Variants in RGS18 observed in about 807,000 individuals in gnomAD.
RGS18 encodes regulator of G-protein signaling 18.
Under a neutral mutation model 27.6 loss-of-function variants are expected in RGS18, and 22 were observed. The observed-to-expected ratio is 0.80, with a 90% CI of 0.57 to 1.14. The LOEUF (loss-of-function observed/expected upper bound fraction) is 1.14. Among genes scored for constraint, RGS18 ranks in the 50% most tolerant of loss-of-function variants. The pLI is 0.00. For missense variants in RGS18, 299 were observed against 269.6 expected, an observed-to-expected ratio of 1.11 and a Z score of -0.76; for synonymous variants, 89 against 84.6, an observed-to-expected ratio of 1.05 and a Z score of -0.29.
chr1:192,176,223 A>G (rs1656355634), intron 3 of RGS18, among the ~76,000 whole-genome samples: 1 of 151,884 alleles, frequency 6.6e-6, no homozygotes, highest in African/African-American at 2.4e-5. Flanking sequence ...AAAAGAGAGA[A>G]CAAGTTAGTA....
At position 192,162,550 on chromosome 1, in the gene RGS18, C is replaced by T. The variant is rs572733440; in HGVS notation, c.283+2111C>T. On this transcript the variant is annotated intron_variant, in intron 3 of 4. Coordinates refer to ENST00000367460, the MANE Select transcript of RGS18 (RefSeq NM_130782.3). ...CACCCATCTAGGCCTCCCAAAGTGA[C>T]GGGATTACAGGCGTGAGTCATCATG... Among the ~76,000 whole-genome samples, 97 of 152,126 alleles carry T rather than the reference C, an allele frequency of 6.4e-4. 2 individuals carry two copies. In the South Asian group the frequency reaches 8.9e-3, roughly 14 times the overall value.
At chr1:192,166,472 T>G (rs1354746925) in intron 3 of RGS18, among the ~76,000 whole-genome samples, 2 of 152,158 alleles carry the variant, frequency 1.3e-5, no homozygotes, top group African/African-American at 4.8e-5. Context: ...GAAGCCTTTG[T>G]GTGTTAAAAA....
In RGS18 at chr1:192,158,589, A is replaced by G; in HGVS notation, c.-49A>G. ...TGTATGGAATAGTATTAATAAATGA[A>G]CTAGGGAAGGATGTAATAAATTAGA... On this transcript the variant is annotated 5_prime_UTR_variant, in exon 1 of 5. Coordinates refer to ENST00000367460, the MANE Select transcript of RGS18 (RefSeq NM_130782.3). The G allele has an allele frequency of 6.9e-7, 1 of 1,459,840 alleles. No individual in the cohort carries two copies. Among genetic ancestry groups the G allele is most frequent in the Non-Finnish European group, 9.2e-7 (1 of 1,091,938 alleles). 90.4% of individuals were successfully genotyped at this position (1,459,840 alleles called of 1,614,324 possible).
Position 192,184,703 on chromosome 1 carries a change from A to C in RGS18, c.*149A>C. ...AATGTAAAAACAAAACTTTCTGCTA[A>C]CAAAATACATACAGTATCTGCCAGT... On this transcript the variant is annotated 3_prime_UTR_variant, in exon 5 of 5. Transcript: ENST00000367460. 2 of 692,064 alleles carry C rather than the reference A, an allele frequency of 2.9e-6. No homozygotes were observed. Among genetic ancestry groups the C allele is most frequent in the Middle Eastern group, 4.0e-4 (1 of 2,494 alleles). 42.9% of individuals were successfully genotyped at this position (692,064 alleles called of 1,614,324 possible).
At chr1:192,173,721 C>T (rs1311971762) in intron 3 of RGS18, among the ~76,000 whole-genome samples, 1 of 151,620 alleles carries the variant, frequency 6.6e-6, no homozygotes, top group East Asian at 1.9e-4. Context: ...ATTATATTTA[C>T]TGGCATTAAG....
At chr1:192,176,797 A>G (rs1656366228) in intron 3 of RGS18, among the ~76,000 whole-genome samples, 1 of 151,764 alleles carries the variant, frequency 6.6e-6, no homozygotes, top group African/African-American at 2.4e-5. Context: ...AAATAGTTGA[A>G]CAAAGTAAGG....
Position 192,184,307 on chromosome 1 carries a change from A to G in RGS18, c.461A>G (p.Asp154Gly), listed in dbSNP as rs1401788152. Residue 154 changes from aspartate (D) to glycine (G), a missense_variant, in exon 5 of 5, where the codon GAT becomes GGT. Physicochemically the swap from Asp to Gly is moderately conservative, Grantham distance 94 (BLOSUM62 -1). Coordinates refer to ENST00000367460, the MANE Select transcript of RGS18 (RefSeq NM_130782.3). ...QTDAPKEVNL[D>G]FHTKEVITNS... is the part of the protein sequence containing the mutation. ...TTTCTGTTTATCCAGGTTAACCTTG[A>G]TTTTCACACAAAAGAAGTCATTACA... 1 of 1,607,480 alleles carries G rather than the reference A, an allele frequency of 6.2e-7. No individual in the cohort carries two copies. Among genetic ancestry groups the G allele is most frequent in the Admixed American group, 1.7e-5 (1 of 59,636 alleles).
intron 3 of RGS18, among the ~76,000 whole-genome samples, chr1:192,174,181 A>G (rs942536564): frequency 1.7e-4 from 26 of 151,728 alleles, no homozygotes; most frequent in African/African-American, 6.0e-4. Context: ...TATTGTGTTT[A>G]CTACATATTT....
chr1:192,178,784 T>A lies in RGS18; in HGVS notation c.284-2508T>A, dbSNP rs138395535. ...GATATGTCAGTAGCTACAGGAATAT[T>A]TGAAGTTATGATTTTAAAAATAATT... On this transcript the variant is annotated intron_variant, in intron 3 of 4. Coordinates refer to ENST00000367460, the MANE Select transcript of RGS18 (RefSeq NM_130782.3). 1.3e-3 allele frequency among the ~76,000 whole-genome samples: 202 copies of A among 151,732 alleles called. 3 individuals carry two copies. Among genetic ancestry groups the A allele is most frequent in the African/African-American group, 4.6e-3 (190 of 41,496 alleles).
intron 4 of RGS18, among the ~76,000 whole-genome samples, chr1:192,182,082 C>T (rs565049367): frequency 6.6e-6 from 1 of 151,746 alleles, no homozygotes; most frequent in Non-Finnish European, 1.5e-5. Context: ...TTTCTTTATA[C>T]ATTCATCCTT....
Position 192,158,705 on chromosome 1 carries a change from A to G in RGS18, c.68A>G (p.Lys23Arg). 3 of 1,581,144 alleles carry G rather than the reference A, an allele frequency of 1.9e-6. No homozygotes were observed. The highest frequency in any genetic ancestry group is 2.7e-5 in the African/African-American group (2 of 73,090). ...MCESKEKTFF[K>R]LIHGSGKEET... is the part of the protein sequence containing the mutation. ...GAATCAAAAGAAAAAACTTTTTTCA[A>G]GTTAATACATGGTTCAGGAAAAGAA... The change falls in exon 1 of 5, where the codon AAG (lysine) becomes AGG (arginine). Residue 23 changes from lysine to arginine, a missense_variant. Transcript: ENST00000367460.
At chr1:192,181,492 G>A (rs1237120900) in intron 4 of RGS18, 34 bp downstream of exon 4, 3 of 1,403,642 alleles carry the variant, frequency 2.1e-6, no homozygotes, top group African/African-American at 3.0e-5. Context: ...ATGCATAATT[G>A]CTTTCAAAAT....
At chr1:192,158,972 A>G (rs888293820) in intron 1 of RGS18, among the ~76,000 whole-genome samples, 3 of 152,224 alleles carry the variant, frequency 2.0e-5, no homozygotes, top group Admixed American at 6.5e-5. Context: ...AATGTTAGCC[A>G]CATAGAGGAA....
intron 2 of RGS18, among the ~76,000 whole-genome samples, chr1:192,159,689 C>T (rs748943372): frequency 2.6e-5 from 4 of 152,066 alleles, no homozygotes; most frequent in South Asian, 2.1e-4. Flanking sequence ...AAAAAACACA[C>T]GCATTATAGC....
rs570951263 is a variant in RGS18, at chr1:192,160,616, T to A, written c.283+177T>A. On this transcript the variant is annotated intron_variant, in intron 3 of 4. Coordinates refer to ENST00000367460, the MANE Select transcript of RGS18 (RefSeq NM_130782.3). ...AAAAGTCAAATAATGGAAATTTTTT[T>A]AAAAGTTCTCATTTTGTTTAGAATT... is the stretch of plus-strand genomic sequence containing the variant. 57 of 507,518 alleles carry A rather than the reference T, an allele frequency of 1.1e-4. 2 individuals carry two copies. In the South Asian group the frequency reaches 1.6e-3, roughly 14 times the overall value. The allele number at this position is 507,518 out of a possible 1,614,324, so 31.4% of individuals were successfully genotyped here.
rs1422535108 is a variant in RGS18, at chr1:192,181,316, T to A, written c.308T>A (p.Phe103Tyr). Reference sequence around the variant, plus strand: ...GATGGACTAGAGGCTTTTACCAGATTTCTTAAAACTGAATTCAGTGAAGAA... The same window carrying A: ...GATGGACTAGAGGCTTTTACCAGATATCTTAAAACTGAATTCAGTGAAGAA... ...HRDGLEAFTR[F>Y]LKTEFSEENI... is the part of the protein sequence containing the mutation. The change falls in exon 4 of 5, where the codon TTT becomes TAT. Residue 103 changes from phenylalanine (F) to tyrosine (Y), a missense_variant. By Grantham distance (22) the Phe-to-Tyr change is conservative. Coordinates refer to ENST00000367460, the MANE Select transcript of RGS18 (RefSeq NM_130782.3). The A allele has an allele frequency of 1.9e-6, 3 of 1,543,282 alleles. No individual in the cohort carries two copies. Among genetic ancestry groups the A allele is most frequent in the Middle Eastern group, 1.7e-4 (1 of 5,858 alleles).
chr1:192,160,566 T>A, intron 3 of RGS18, 127 bp downstream of exon 3: 2 of 603,058 alleles, frequency 3.3e-6, no homozygotes, highest in South Asian at 2.4e-5. Context: ...AATTCAATTT[T>A]CTGATCAACA....
chr1:192,181,893 C>T (rs1656463746), intron 4 of RGS18, among the ~76,000 whole-genome samples: 1 of 151,660 alleles, frequency 6.6e-6, no homozygotes, highest in Admixed American at 6.6e-5. Flanking sequence ...ATTCTGCTCT[C>T]TACTTCTATG....
Position 192,181,387 on chromosome 1 carries a change from G to T in RGS18, c.379G>T (p.Gly127Ter), listed in dbSNP as rs1355659592. Reference protein sequence around the residue: ...IACEDFKKSKGPQQIHLKAKA... With the variant: ...IACEDFKKSK ...CTGTGAAGATTTCAAGAAAAGCAAG[G>T]GACCTCAACAAATTCACCTTAAAGC... The change falls in exon 4 of 5, where the codon GGA becomes TGA. Residue 127 changes from glycine (G) to a stop codon, truncating the protein, a stop_gained. Transcript: ENST00000367460. LOFTEE classifies it high-confidence loss of function. 6.3e-7 allele frequency: 1 copy of T among 1,593,094 alleles called. No homozygotes were observed. The highest frequency in any genetic ancestry group is 8.5e-7 in the Non-Finnish European group (1 of 1,170,634).
Sources: allele counts gnomAD v4.1 joint callset (sites outside exome capture counted in the v4.1 genomes callset), GRCh38; gene constraint gnomAD v4.1.1; transcripts MANE v1.5; gene names NCBI Gene and HGNC (gene_info 2026-07-23, HGNC 2026-07-21).